REV3L: variants seen among roughly 807,000 people sequenced by gnomAD.
REV3L encodes the protein DNA polymerase zeta catalytic subunit.
A neutral mutation model predicts 299.4 loss-of-function variants in REV3L; 69 were observed. The ratio of observed to expected loss-of-function variants is 0.23; its 90% CI spans 0.19 to 0.28. The LOEUF is 0.28. Ranked by LOEUF, REV3L falls within the 10% of genes least tolerant of loss-of-function variation. REV3L has a pLI of 1.00. For missense variants in REV3L, 3,128 were observed against 3,693.8 expected (o/e 0.85, Z 3.97); for synonymous variants, 1,238 against 1,271.4 (o/e 0.97, Z 0.56).
At chr6:111,371,558 CTTTTT>C (rs1032722759) in intron 13 of REV3L, among the ~76,000 whole-genome samples, 24 of 137,620 alleles carry the variant, frequency 1.7e-4, no homozygotes, top group Non-Finnish European at 3.3e-4. Flanking sequence ...GCCCAGCTAT[CTTTTT>C]TTTTTTTTTT....
intron 4 of REV3L, among the ~76,000 whole-genome samples, chr6:111,396,572 T>A (rs1782534547): frequency 6.6e-6 from 1 of 152,138 alleles, no homozygotes; most frequent in Admixed American, 6.5e-5. Context: ...TTGGTGTTAG[T>A]TTTTCTTTCT....
intron 1 of REV3L, among the ~76,000 whole-genome samples, chr6:111,455,820 T>C (rs1790096448): frequency 1.3e-5 from 2 of 152,224 alleles, no homozygotes; most frequent in Non-Finnish European, 2.9e-5. Flanking sequence ...ACAATGCATT[T>C]TCACTTTTCT....
chr6:111,439,189 G>A (rs1449572214), intron 1 of REV3L, among the ~76,000 whole-genome samples: 2 of 152,080 alleles, frequency 1.3e-5, no homozygotes, highest in African/African-American at 4.8e-5. Context: ...ATTACTTGCT[G>A]TTCATTTTAT....
At chr6:111,440,835 C>T (rs1162743423) in intron 1 of REV3L, among the ~76,000 whole-genome samples, 1 of 152,150 alleles carries the variant, frequency 6.6e-6, no homozygotes, top group African/African-American at 2.4e-5. Flanking sequence ...TTTTATTTCT[C>T]TTTCATTTTG....
At chr6:111,483,574 C>T (rs1794040811), upstream of REV3L, 1 of 471,810 alleles carries the variant, frequency 2.1e-6, no homozygotes, top group Non-Finnish European at 4.2e-6. Flanking sequence ...GCAGGATTGG[C>T]AGGAGCTGCG....
At chr6:111,481,697 C>T (rs1003315645) in intron 1 of REV3L, among the ~76,000 whole-genome samples, 3 of 152,154 alleles carry the variant, frequency 2.0e-5, no homozygotes, top group Non-Finnish European at 4.4e-5. Flanking sequence ...GGAAGAACAA[C>T]CTTTCCTAAG....
intron 19 of REV3L, among the ~76,000 whole-genome samples, chr6:111,349,576 T>G (rs1278582317): frequency 6.6e-6 from 1 of 152,160 alleles, no homozygotes; most frequent in East Asian, 1.9e-4. Flanking sequence ...CACTACCTTT[T>G]TTTGTTTGTT....
At chr6:111,361,801 A>G (rs1778710900) in intron 16 of REV3L, among the ~76,000 whole-genome samples, 1 of 152,178 alleles carries the variant, frequency 6.6e-6, no homozygotes, top group African/African-American at 2.4e-5. Context: ...TCCTAGAGAA[A>G]GGAAGAGAAC....
chr6:111,382,583 C>A (rs765578188), intron 9 of REV3L, among the ~76,000 whole-genome samples: 5 of 152,170 alleles, frequency 3.3e-5, no homozygotes, highest in Non-Finnish European at 5.9e-5. Context: ...CCCAGCAGTC[C>A]AGAACCTGAG....
At chr6:111,438,086 T>C (rs1787814717) in intron 1 of REV3L, among the ~76,000 whole-genome samples, 1 of 151,830 alleles carries the variant, frequency 6.6e-6, no homozygotes, top group Non-Finnish European at 1.5e-5. Flanking sequence ...CTCAAACTCC[T>C]GGGCTCAAGT....
At chr6:111,428,192 T>C (rs901882631) in intron 1 of REV3L, among the ~76,000 whole-genome samples, 5 of 152,018 alleles carry the variant, frequency 3.3e-5, no homozygotes, top group Admixed American at 3.3e-4. Flanking sequence ...CAGGGAACCA[T>C]GACCTCAAAC....
intron 1 of REV3L, among the ~76,000 whole-genome samples, chr6:111,479,509 CT>C (rs397758175): frequency 0.032 from 4,158 of 130,036 alleles, 72 homozygotes; most frequent in South Asian, 0.085. Context: ...CCCCCCCCGC[CT>C]TTTTTTTTTT....
intron 1 of REV3L, among the ~76,000 whole-genome samples, chr6:111,478,940 A>G (rs560907060): frequency 1.3e-5 from 2 of 152,290 alleles, no homozygotes; most frequent in South Asian, 2.1e-4. Flanking sequence ...ACACTCTTCT[A>G]TTTACTCCTA....
At position 111,374,785 on chromosome 6, in the gene REV3L, T is replaced by C. The variant is rs962756876; in HGVS notation, c.3570A>G (p.Lys1190=). 5 of 1,612,104 alleles carry C rather than the reference T, an allele frequency of 3.1e-6. No homozygotes were observed. Among genetic ancestry groups the C allele is most frequent in the African/African-American group, 1.3e-5 (1 of 74,684 alleles). The change falls in exon 13 of 32, where the codon AAA becomes AAG. Residue 1190 remains lysine, a synonymous_variant. Transcript: ENST00000368802. ...TATTTGTCTGATTTCGTTTGTTCCT[T>C]TTCTTAGTAACTATAGAGGGATTAG... ...KLANPSIVTK[K]RNKRNQTNKL... is the part of the protein sequence containing the mutation.
chr6:111,453,919 G>A (rs930485412), intron 1 of REV3L, among the ~76,000 whole-genome samples: 1 of 152,206 alleles, frequency 6.6e-6, no homozygotes, highest in Non-Finnish European at 1.5e-5. Context: ...CTGGGAAGCA[G>A]AGGTTGCAGT....
chr6:111,344,151 G>T, intron 20 of REV3L, 108 bp from the exon 21 acceptor site: 1 of 668,914 alleles, frequency 1.5e-6, no homozygotes, highest in Non-Finnish European at 2.5e-6. Context: ...AGATATTAAA[G>T]CTACTTGTAA....
At chr6:111,325,169 C>T (rs778401403) in intron 25 of REV3L, among the ~76,000 whole-genome samples, 3 of 152,054 alleles carry the variant, frequency 2.0e-5, no homozygotes, top group Non-Finnish European at 4.4e-5. Context: ...CCTCAAAAGT[C>T]TTAATAAAAA....
At chr6:111,301,515 A>C (rs530368364) in intron 31 of REV3L, among the ~76,000 whole-genome samples, 2 of 152,308 alleles carry the variant, frequency 1.3e-5, no homozygotes, top group Admixed American at 6.5e-5. Flanking sequence ...CAAAAAAAAA[A>C]AAAATCAAAT....
At chr6:111,470,112 G>A (rs1214147802) in intron 1 of REV3L, among the ~76,000 whole-genome samples, 2 of 151,858 alleles carry the variant, frequency 1.3e-5, no homozygotes, top group East Asian at 3.9e-4. Context: ...GAATTTGAGA[G>A]GAGACATTAA....
Sources: gnomAD v4.1 joint callset for allele counts (sites outside exome capture counted in the v4.1 genomes callset) on GRCh38, gnomAD v4.1.1 for gene constraint, MANE v1.5 for transcripts, NCBI Gene and HGNC (gene_info 2026-07-23, HGNC 2026-07-21) for gene names.